CNTNAP2: variants seen among roughly 807,000 people sequenced by gnomAD.
CNTNAP2 encodes the protein contactin associated protein 2, also known as contactin-associated protein-like 2.
A neutral mutation model predicts 155.2 loss-of-function variants in CNTNAP2; 98 were observed. The ratio of observed to expected loss-of-function variants is 0.63; its 90% CI spans 0.54 to 0.75. CNTNAP2 has a LOEUF of 0.75. Among genes scored for constraint, CNTNAP2 ranks in the 30% least tolerant of loss-of-function variants. CNTNAP2 has a pLI of 0.00. For synonymous variants in CNTNAP2, 651 were observed against 631.2 expected (o/e 1.03, Z -0.47); for missense variants, 1,727 against 1,688.1 (o/e 1.02, Z -0.40).
At position 147,705,625 on chromosome 7, in the gene CNTNAP2, AT is replaced by A. The variant is rs1020838303; in HGVS notation, c.2098+66322del. On this transcript the variant is annotated intron_variant, in intron 13 of 23. Coordinates refer to ENST00000361727, the MANE Select transcript of CNTNAP2 (RefSeq NM_014141.6). ...TTTTTGATAATTATCTGTCTAGATG[AT>A]TTGTCTCATGCTGAGTGTAAGGTGT... 3.3e-5 allele frequency among the ~76,000 whole-genome samples: 5 copies of A among 152,192 alleles called. No individual in the cohort carries two copies. The East Asian group carries it at 7.7e-4, about 24-fold the overall frequency.
intron 6 of CNTNAP2, chr7:147,121,500 G>A (rs542363829): frequency 3.6e-6 from 1 of 277,894 alleles, no homozygotes; most frequent in Non-Finnish European, 7.0e-6. Flanking sequence ...TTGAGAATGT[G>A]CAGTACATTA....
At chr7:148,361,710 G>A (rs555830153) in intron 21 of CNTNAP2, among the ~76,000 whole-genome samples, 25 of 152,272 alleles carry the variant, frequency 1.6e-4, no homozygotes, top group African/African-American at 4.8e-4. Context: ...GTATTAGTCC[G>A]TTCTCACGCT....
At chr7:146,721,891 T>TATATATATATATATATATA (rs1202931748) in intron 1 of CNTNAP2, among the ~76,000 whole-genome samples, 3 of 80,326 alleles carry the variant, frequency 3.7e-5, no homozygotes, top group Non-Finnish European at 5.9e-5. Flanking sequence ...ATATATATAT[T>TATATATATATATATATATA]TTTTTTTTTT....
intron 10 of CNTNAP2, among the ~76,000 whole-genome samples, chr7:147,408,599 A>G (rs1160209060): frequency 1.3e-5 from 2 of 152,180 alleles, no homozygotes; most frequent in African/African-American, 4.8e-5. Context: ...TCTCTAAAAA[A>G]TATAAAAAAT....
chr7:147,105,503 A>T (rs1204963131), intron 4 of CNTNAP2, among the ~76,000 whole-genome samples: 1 of 152,058 alleles, frequency 6.6e-6, no homozygotes, highest in African/African-American at 2.4e-5. Context: ...ATTATTAGAT[A>T]TCAAATGAAA....
chr7:147,032,022 A>G (rs1474428827), intron 3 of CNTNAP2, among the ~76,000 whole-genome samples: 2 of 152,224 alleles, frequency 1.3e-5, no homozygotes, highest in Non-Finnish European at 2.9e-5. Flanking sequence ...GATTGATGAG[A>G]CTAATTTCTG....
chr7:147,400,172 C>T (rs1796888720), intron 10 of CNTNAP2, among the ~76,000 whole-genome samples: 1 of 152,072 alleles, frequency 6.6e-6, no homozygotes, highest in Non-Finnish European at 1.5e-5. Context: ...CCTTTAGCCA[C>T]AGTTAGGTCC....
intron 13 of CNTNAP2, among the ~76,000 whole-genome samples, chr7:147,837,128 C>T (rs1014520116): frequency 2.6e-5 from 4 of 152,108 alleles, no homozygotes; most frequent in African/African-American, 9.7e-5. Context: ...TTTCATGCTG[C>T]TAATAAAGAC....
chr7:146,488,389 GATTT>G (rs1460059645), intron 1 of CNTNAP2, among the ~76,000 whole-genome samples: 1 of 150,816 alleles, frequency 6.6e-6, no homozygotes, highest in Non-Finnish European at 1.5e-5. Context: ...AATTATATCA[GATTT>G]ATTTAGCTAT....
At chr7:147,507,388 C>T (rs535303942) in intron 11 of CNTNAP2, among the ~76,000 whole-genome samples, 82 of 152,152 alleles carry the variant, frequency 5.4e-4, no homozygotes, top group Non-Finnish European at 8.5e-4. Context: ...TCTCTTCACC[C>T]GCTCCTCCCC....
intron 13 of CNTNAP2, among the ~76,000 whole-genome samples, chr7:147,735,661 C>G (rs1796829841): frequency 6.6e-6 from 1 of 152,180 alleles, no homozygotes. Context: ...GAGTCTAAGT[C>G]TCTTTGTAGG....
chr7:146,998,102 TTAG>T (rs1172893454), intron 3 of CNTNAP2, among the ~76,000 whole-genome samples: 1 of 152,014 alleles, frequency 6.6e-6, no homozygotes, highest in African/African-American at 2.4e-5. Context: ...GTTTTTTTCT[TTAG>T]TAGTTCTTTG....
At chr7:148,108,241 G>T (rs556045070) in intron 15 of CNTNAP2, among the ~76,000 whole-genome samples, 2 of 152,032 alleles carry the variant, frequency 1.3e-5, no homozygotes, top group African/African-American at 4.8e-5. Flanking sequence ...CTTCTTAGTC[G>T]TCAGGTCCCT....
chr7:147,351,509 AAC>A (rs779924336), intron 9 of CNTNAP2, among the ~76,000 whole-genome samples: 1 of 151,744 alleles, frequency 6.6e-6, no homozygotes, highest in Non-Finnish European at 1.5e-5. Flanking sequence ...ATTATTCTTA[AAC>A]AGTTATGTTT....
At chr7:148,139,228 A>G (rs927017939) in intron 16 of CNTNAP2, among the ~76,000 whole-genome samples, 2 of 152,218 alleles carry the variant, frequency 1.3e-5, no homozygotes, top group African/African-American at 4.8e-5. Context: ...TTTCTTGCCA[A>G]TGTTCATTTT....
chr7:146,847,854 A>AT (rs1218509060), intron 3 of CNTNAP2, among the ~76,000 whole-genome samples: 2 of 152,242 alleles, frequency 1.3e-5, no homozygotes, highest in South Asian at 2.1e-4. Flanking sequence ...TCAGATATAT[A>AT]TTTTTTAATG....
chr7:146,654,186 T>C (rs1799959537), intron 1 of CNTNAP2, among the ~76,000 whole-genome samples: 1 of 151,964 alleles, frequency 6.6e-6, no homozygotes, highest in South Asian at 2.1e-4. Context: ...ACATAAACAT[T>C]TGGCTCCTCA....
At chr7:147,738,162 C>T (rs574870752) in intron 13 of CNTNAP2, among the ~76,000 whole-genome samples, 65 of 152,180 alleles carry the variant, frequency 4.3e-4, no homozygotes, top group African/African-American at 1.5e-3. Context: ...CTTGGAATCG[C>T]CCCCCGAAAT....
chr7:147,558,740 C>CCTTCCTTT (rs1800000914), intron 11 of CNTNAP2, among the ~76,000 whole-genome samples: 1 of 110,406 alleles, frequency 9.1e-6, no homozygotes, highest in South Asian at 3.0e-4. Context: ...TTCCTTCCTT[C>CCTTCCTTT]CTTTCTTCCT....
Sources: gnomAD v4.1 joint callset for allele counts (sites outside exome capture counted in the v4.1 genomes callset) on GRCh38, gnomAD v4.1.1 for gene constraint, MANE v1.5 for transcripts, NCBI Gene and HGNC (gene_info 2026-07-23, HGNC 2026-07-21) for gene names.